The following SPATA13 variants were observed in gnomAD, a reference collection of about 807,000 sequenced individuals.
The protein encoded by SPATA13 is spermatogenesis associated 13.
SPATA13 carries 50 observed loss-of-function variants against 104.0 expected under a neutral mutation model. The observed-to-expected ratio is 0.48, with a 90% CI of 0.38 to 0.61. SPATA13 has a LOEUF of 0.61. SPATA13 is among the 20% of genes least tolerant of loss of function. The pLI is 0.00. For missense variants in SPATA13, 1,524 were observed against 1,690.6 expected (o/e 0.90, Z 1.73); for synonymous variants, 606 against 667.5 (o/e 0.91, Z 1.42).
chr13:24,138,577 T>A (rs1411398189), intron 3 of SPATA13, among the ~76,000 whole-genome samples: 1 of 152,070 alleles, frequency 6.6e-6, no homozygotes, highest in Non-Finnish European at 1.5e-5. Flanking sequence ...GGAAAAGATC[T>A]TTTTTTGTTT....
At chr13:24,254,155 G>A (rs1443293794) in intron 4 of SPATA13, among the ~76,000 whole-genome samples, 3 of 151,878 alleles carry the variant, frequency 2.0e-5, no homozygotes, top group East Asian at 3.9e-4. Flanking sequence ...CCAGTGGTAC[G>A]AAGAGGCAAA....
chr13:23,996,966 A>G (rs1422149154), intron 2 of SPATA13, among the ~76,000 whole-genome samples: 1 of 152,160 alleles, frequency 6.6e-6, no homozygotes, highest in Non-Finnish European at 1.5e-5. Context: ...CCAACTTATA[A>G]GCAGGAGAAT....
intron 2 of SPATA13, among the ~76,000 whole-genome samples, chr13:24,226,195 A>G (rs948656539): frequency 3.3e-5 from 5 of 152,158 alleles, no homozygotes; most frequent in African/African-American, 1.2e-4. Context: ...ACTTCACACG[A>G]AATTGGCATC....
In SPATA13 at chr13:24,205,289, T is replaced by C. The variant is rs932189913; in HGVS notation, c.-111-17530T>C. On this transcript the variant is annotated intron_variant, in intron 1 of 12. Transcript: ENST00000382108. This position sits in a 1 kb window ranked among gnomAD's most constrained non-coding sequence, Gnocchi z 4.1. Reference sequence around the variant, plus strand: ...GTGCAAAATTGCTAGCATTCCTGTATACCAACAGTGGGCAAGCAGAAAGCC... The same window carrying C: ...GTGCAAAATTGCTAGCATTCCTGTACACCAACAGTGGGCAAGCAGAAAGCC... 6.6e-6 allele frequency among the ~76,000 whole-genome samples: 1 copy of C among 152,122 alleles called. No individual in the cohort carries two copies. Among genetic ancestry groups the C allele is most frequent in the Non-Finnish European group, 1.5e-5 (1 of 68,024 alleles).
intron 1 of SPATA13, among the ~76,000 whole-genome samples, chr13:24,198,642 C>G (rs7318162): frequency 0.26 from 39,058 of 152,114 alleles, 5,209 homozygotes; most frequent in South Asian, 0.31. Context: ...ATTTAAAACT[C>G]TATGTATGTT....
intron 1 of SPATA13, among the ~76,000 whole-genome samples, chr13:24,171,012 A>AT (rs760225958): frequency 5.9e-5 from 9 of 152,012 alleles, no homozygotes; most frequent in Non-Finnish European, 1.2e-4. Flanking sequence ...AAGAACAAGC[A>AT]TGGAACACAT....
chr13:24,268,367 AT>A lies in SPATA13; in HGVS notation c.2165-15765del, dbSNP rs532690123. Among the ~76,000 whole-genome samples the A allele has an allele frequency of 4.9e-3, 743 of 152,330 alleles. 14 individuals carry two copies. Among genetic ancestry groups the A allele is most frequent in the African/African-American group, 0.017 (706 of 41,560 alleles). ...TATCGAGGAGTCTTTTGAGCCTATA[AT>A]TTAATAAACTACCACCTTTATTGAG... is the stretch of plus-strand genomic sequence containing the variant. On this transcript the variant is annotated intron_variant, in intron 4 of 12. Transcript: ENST00000382108.
chr13:23,995,994 G>C (rs1875671033), intron 2 of SPATA13, among the ~76,000 whole-genome samples: 1 of 152,204 alleles, frequency 6.6e-6, no homozygotes, highest in South Asian at 2.1e-4. Flanking sequence ...ATAGATATGG[G>C]ACCTGTGAGA....
At chr13:24,190,681 A>C (rs1176902377) in intron 1 of SPATA13, among the ~76,000 whole-genome samples, 1 of 152,078 alleles carries the variant, frequency 6.6e-6, no homozygotes, top group East Asian at 1.9e-4. Flanking sequence ...TCTCATGATA[A>C]AAATGGAATG....
At position 24,289,061 on chromosome 13, in the gene SPATA13, T is replaced by A. The variant is rs1876154352; in HGVS notation, c.2730T>A (p.Ile910=). 1 of 1,613,964 alleles carries A rather than the reference T, an allele frequency of 6.2e-7. No homozygotes were observed. The highest frequency in any genetic ancestry group is 1.7e-5 in the Admixed American group (1 of 59,956). ...GMFTVAQLAT[I]FGNIEDIYKF... is the part of the protein sequence containing the mutation. The stretch of plus-strand genomic sequence containing the variant: ...TCACCGTTGCGCAGCTAGCCACTAT[T>A]TTTGGAAACATTGAAGATATTTACA... Residue 910 remains isoleucine (I), a synonymous_variant, in exon 8 of 13, where the codon ATT becomes ATA. Coordinates refer to ENST00000382108, the MANE Select transcript of SPATA13 (RefSeq NM_001166271.3).
At chr13:24,093,080 G>C (rs1174531145) in intron 3 of SPATA13, among the ~76,000 whole-genome samples, 1 of 152,140 alleles carries the variant, frequency 6.6e-6, no homozygotes, top group Non-Finnish European at 1.5e-5. Flanking sequence ...CATTTTACTT[G>C]AATTGTTTTC....
chr13:24,116,776 C>A (rs1034688988), intron 3 of SPATA13, among the ~76,000 whole-genome samples: 2 of 151,348 alleles, frequency 1.3e-5, no homozygotes, highest in Non-Finnish European at 3.0e-5. Context: ...CCAGCCCCCC[C>A]CCCCCAATGT....
chr13:24,078,878 A>G (rs898091768), intron 3 of SPATA13, among the ~76,000 whole-genome samples: 1 of 152,200 alleles, frequency 6.6e-6, no homozygotes, highest in Non-Finnish European at 1.5e-5. Flanking sequence ...CTCATTTACC[A>G]TGCTGGGTAC....
chr13:24,187,884 A>G (rs527557528), intron 1 of SPATA13, among the ~76,000 whole-genome samples: 2 of 152,312 alleles, frequency 1.3e-5, no homozygotes, highest in Admixed American at 1.3e-4. Flanking sequence ...TGTTCAAGTG[A>G]AAGGAAGAGT....
intron 3 of SPATA13, among the ~76,000 whole-genome samples, chr13:24,147,216 G>T (rs1174961595): frequency 2.0e-5 from 3 of 152,288 alleles, no homozygotes; most frequent in African/African-American, 7.2e-5. Context: ...TATGTGTGAT[G>T]CATGTCTCGT....
intron 3 of SPATA13, among the ~76,000 whole-genome samples, chr13:24,083,303 A>G (rs995645920): frequency 5.3e-5 from 8 of 152,222 alleles, no homozygotes; most frequent in African/African-American, 1.9e-4. Flanking sequence ...GCCACCTGAC[A>G]AAGGGCACAG....
At chr13:23,991,223 C>T (rs970437155) in intron 2 of SPATA13, among the ~76,000 whole-genome samples, 3 of 152,164 alleles carry the variant, frequency 2.0e-5, no homozygotes, top group East Asian at 1.9e-4. Context: ...AAGGGCAGCC[C>T]GTCTAAGAAC....
At chr13:24,035,842 C>T (rs564933979) in intron 3 of SPATA13, among the ~76,000 whole-genome samples, 2 of 151,948 alleles carry the variant, frequency 1.3e-5, no homozygotes, top group East Asian at 3.9e-4. Context: ...GGCAAAAAAC[C>T]ATCTCTACTA....
intron 1 of SPATA13, among the ~76,000 whole-genome samples, chr13:24,171,332 T>C (rs1015107413): frequency 6.6e-6 from 1 of 152,128 alleles, no homozygotes; most frequent in African/African-American, 2.4e-5. Context: ...TCTCAGAACA[T>C]GCGGGTCAGA....
Sources: allele counts gnomAD v4.1 joint callset (sites outside exome capture counted in the v4.1 genomes callset), GRCh38; gene constraint gnomAD v4.1.1; non-coding constraint Gnocchi (gnomAD v3.1); transcripts MANE v1.5; gene names NCBI Gene and HGNC (gene_info 2026-07-23, HGNC 2026-07-21).